Variants in NELL1 observed in about 807,000 individuals in gnomAD.
The protein encoded by NELL1 is neural EGFL like 1.
A neutral mutation model predicts 107.4 loss-of-function variants in NELL1; 76 were observed. The ratio of observed to expected loss-of-function variants is 0.71; its 90% CI spans 0.59 to 0.86. The LOEUF is 0.86. Ranked by LOEUF, NELL1 falls within the 40% of genes least tolerant of loss-of-function variation. The probability of loss-of-function intolerance (pLI) is 0.00; values close to 1 mark genes in which losing one functional copy is unlikely to be tolerated. For synonymous variants in NELL1, 353 were observed against 341.2 expected (o/e 1.03, Z -0.38); for missense variants, 1,024 against 1,005.5 (o/e 1.02, Z -0.25).
chr11:21,248,094 C>T (rs1358272191), intron 14 of NELL1, among the ~76,000 whole-genome samples: 1 of 152,160 alleles, frequency 6.6e-6, no homozygotes, highest in Non-Finnish European at 1.5e-5. Context: ...CCTGTAATTC[C>T]AGCCTTTTGG....
At chr11:20,721,656 A>C (rs1855391447) in intron 2 of NELL1, among the ~76,000 whole-genome samples, 2 of 152,228 alleles carry the variant, frequency 1.3e-5, no homozygotes, top group Non-Finnish European at 2.9e-5. Context: ...GAGGGGCAGC[A>C]AATATTTGTG....
intron 2 of NELL1, among the ~76,000 whole-genome samples, chr11:20,717,193 A>G (rs935351069): frequency 2.0e-5 from 3 of 152,192 alleles, no homozygotes; most frequent in African/African-American, 7.2e-5. Context: ...CATTAGTCCA[A>G]TCCTATGCCT....
chr11:21,515,763 G>A (rs1319907633), intron 15 of NELL1, among the ~76,000 whole-genome samples: 6 of 152,134 alleles, frequency 3.9e-5, no homozygotes, highest in African/African-American at 7.2e-5. Context: ...CTCTCTTAAG[G>A]ACTCCATGAT....
intron 14 of NELL1, among the ~76,000 whole-genome samples, chr11:21,357,088 A>G (rs915503639): frequency 1.3e-5 from 2 of 152,096 alleles, no homozygotes; most frequent in Non-Finnish European, 2.9e-5. Context: ...TATTTTTGCA[A>G]TTGTGAATTG....
At chr11:21,070,878 G>A (rs1382264824) in intron 12 of NELL1, among the ~76,000 whole-genome samples, 2 of 152,156 alleles carry the variant, frequency 1.3e-5, no homozygotes, top group Middle Eastern at 3.4e-3. Context: ...TTGCCAGATC[G>A]AAAATATCAG....
At chr11:20,702,738 A>G (rs1342308286) in intron 2 of NELL1, among the ~76,000 whole-genome samples, 8 of 152,112 alleles carry the variant, frequency 5.3e-5, no homozygotes, top group South Asian at 2.1e-4. Flanking sequence ...GAATTTTGAC[A>G]AAGGCCTTTT....
chr11:21,385,348 T>C (rs1055821772), intron 15 of NELL1, among the ~76,000 whole-genome samples: 5 of 151,962 alleles, frequency 3.3e-5, no homozygotes, highest in South Asian at 2.1e-4. Context: ...TTTAGTTTCG[T>C]ATTAGTCTCT....
chr11:20,896,861 T>G (rs1316687684), intron 5 of NELL1, among the ~76,000 whole-genome samples: 2 of 152,048 alleles, frequency 1.3e-5, no homozygotes, highest in African/African-American at 2.4e-5. Flanking sequence ...ACAAGGGATG[T>G]GAAGGACCTC....
chr11:20,973,973 C>T (rs1314485368), intron 12 of NELL1, among the ~76,000 whole-genome samples: 1 of 152,164 alleles, frequency 6.6e-6, no homozygotes, highest in Admixed American at 6.5e-5. Context: ...TTGATGCTTC[C>T]AGCATTGTGT....
intron 14 of NELL1, among the ~76,000 whole-genome samples, chr11:21,263,579 T>C (rs1318898235): frequency 1.3e-5 from 2 of 151,902 alleles, no homozygotes; most frequent in African/African-American, 2.4e-5. Context: ...AAAATAAATC[T>C]CCCATCTTTT....
chr11:21,522,797 C>T (rs1855758853), intron 15 of NELL1, among the ~76,000 whole-genome samples: 1 of 149,794 alleles, frequency 6.7e-6, no homozygotes, highest in Admixed American at 6.6e-5. Context: ...TTTATCTTTG[C>T]ACATTTTCTT....
intron 13 of NELL1, among the ~76,000 whole-genome samples, chr11:21,205,463 AT>A (rs2133853681): frequency 6.6e-6 from 1 of 152,324 alleles, no homozygotes; most frequent in East Asian, 1.9e-4. Context: ...GGCAGACGGC[AT>A]TCCCCCCACC....
Position 21,560,349 on chromosome 11 carries a change from G to C in NELL1, c.1947G>C (p.Leu649Phe), listed in dbSNP as rs1237026164. Residue 649 changes from leucine (L) to phenylalanine (F), a missense_variant, in exon 17 of 20, where the codon TTG (leucine) becomes TTC (phenylalanine). By Grantham distance (22) the Leu-to-Phe change is conservative. Transcript: ENST00000357134. ...GLKHNGQVWT[L>F]KEDRCSVCSC... Reference sequence around the variant, plus strand: ...AGCACAATGGCCAGGTGTGGACCTTGAAAGAAGACAGGTGTTCTGTCTGCT... The same window carrying C: ...AGCACAATGGCCAGGTGTGGACCTTCAAAGAAGACAGGTGTTCTGTCTGCT... 1.2e-6 allele frequency: 2 copies of C among 1,603,136 alleles called. No individual in the cohort carries two copies. Among genetic ancestry groups the C allele is most frequent in the East Asian group, 2.2e-5 (1 of 44,564 alleles).
At chr11:20,958,442 C>A (rs1376606962) in intron 11 of NELL1, among the ~76,000 whole-genome samples, 1 of 151,926 alleles carries the variant, frequency 6.6e-6, no homozygotes, top group Non-Finnish European at 1.5e-5. Context: ...AGCTAACACA[C>A]AAATAAAAAA....
intron 15 of NELL1, among the ~76,000 whole-genome samples, chr11:21,443,867 GA>G (rs72097421): frequency 0.049 from 7,130 of 146,332 alleles, 203 homozygotes; most frequent in South Asian, 0.059. Context: ...CAAAGAAAAA[GA>G]AAAAAAAAAG....
chr11:20,733,469 G>T (rs576099517), intron 2 of NELL1, among the ~76,000 whole-genome samples: 2 of 152,318 alleles, frequency 1.3e-5, no homozygotes, highest in East Asian at 3.9e-4. Flanking sequence ...CTTAGGCTGG[G>T]AGAAGCAGGA....
At chr11:21,331,607 A>G (rs1052375217) in intron 14 of NELL1, among the ~76,000 whole-genome samples, 38 of 152,090 alleles carry the variant, frequency 2.5e-4, no homozygotes, top group African/African-American at 8.0e-4. Context: ...AGTGTTTGCT[A>G]ATTTTCAGTC....
At chr11:21,374,596 G>T (rs1046385793) in intron 15 of NELL1, among the ~76,000 whole-genome samples, 5 of 151,926 alleles carry the variant, frequency 3.3e-5, no homozygotes. Context: ...GAGGAATGAG[G>T]CACCACCTCT....
rs72275889 is a variant in NELL1 at position 21,367,261 on chromosome 11, T to TACACAC, written c.1550-3556_1550-3551dup. On this transcript the variant is annotated intron_variant, in intron 14 of 19. Coordinates refer to ENST00000357134, the MANE Select transcript of NELL1 (RefSeq NM_006157.5). ...AATGACAGATTCAGGTTTATCTTACTACACACACACACACACACACACACA... is the reference window on the plus strand; with the variant it reads ...AATGACAGATTCAGGTTTATCTTACTACACACACACACACACACACACACACACACA... Among the ~76,000 whole-genome samples, 113 of 145,238 alleles carry TACACAC rather than the reference T, an allele frequency of 7.8e-4. 1 individual carries two copies. The highest frequency in any genetic ancestry group is 2.5e-3 in the African/African-American group (98 of 39,238).
Sources: allele counts gnomAD v4.1 joint callset (sites outside exome capture counted in the v4.1 genomes callset), GRCh38; gene constraint gnomAD v4.1.1; transcripts MANE v1.5; gene names NCBI Gene and HGNC (gene_info 2026-07-23, HGNC 2026-07-21).